Variants in CTXND1 observed in about 807,000 individuals in gnomAD.
CTXND1 encodes the protein cortexin domain-containing 1 protein.
chr15:80,226,751 T>C (rs1048421937), intron 1 of CTXND1, among the ~76,000 whole-genome samples: 10 of 152,226 alleles, frequency 6.6e-5, no homozygotes. Context: ...CCTTCAGCCA[T>C]TGATTGTCAA....
intron 1 of CTXND1, among the ~76,000 whole-genome samples, chr15:80,251,521 G>A (rs949340476): frequency 6.6e-6 from 1 of 152,206 alleles, no homozygotes; most frequent in Non-Finnish European, 1.5e-5. Flanking sequence ...GGGAATTTTA[G>A]GCACTGAACG....
chr15:80,226,094 C>G (rs1278361280), intron 1 of CTXND1, among the ~76,000 whole-genome samples: 1 of 152,188 alleles, frequency 6.6e-6, no homozygotes, highest in African/African-American at 2.4e-5. Context: ...AGGAGGTTAA[C>G]CTTTCTCTCC....
chr15:80,232,097 G>T (rs553956960), intron 1 of CTXND1, among the ~76,000 whole-genome samples: 2 of 152,266 alleles, frequency 1.3e-5, no homozygotes, highest in Admixed American at 1.3e-4. Context: ...GCGGAGTGAG[G>T]CTATAGGAGT....
chr15:80,206,774 T>C (rs1213769628), intron 1 of CTXND1, among the ~76,000 whole-genome samples: 1 of 152,214 alleles, frequency 6.6e-6, no homozygotes. Context: ...CCATTGTCAG[T>C]TAGTTCTGTT....
At chr15:80,248,980 T>C (rs1893664984) in intron 1 of CTXND1, among the ~76,000 whole-genome samples, 1 of 151,908 alleles carries the variant, frequency 6.6e-6, no homozygotes, top group Non-Finnish European at 1.5e-5. Context: ...AGAGACAGGG[T>C]CTCACTATGT....
In CTXND1 at chr15:80,199,555, T is replaced by A. The variant is rs1208422972; in HGVS notation, c.*2215A>T. ...TCAAGGTAGGCTTCAGAGTGAGGGC[T>A]GCTGCTGCTGAACCTGAGGCAATGC... On this transcript the variant is annotated 3_prime_UTR_variant, in exon 3 of 3. Transcript: ENST00000560778. 1 of 152,352 alleles carries A rather than the reference T, an allele frequency of 6.6e-6. No individual in the cohort carries two copies. Among genetic ancestry groups the A allele is most frequent in the African/African-American group, 2.4e-5 (1 of 41,466 alleles). The allele number at this position is 152,352 out of a possible 1,614,324, so 9.4% of individuals were successfully genotyped here.
intron 1 of CTXND1, among the ~76,000 whole-genome samples, chr15:80,245,059 C>A (rs1893613157): frequency 6.6e-6 from 1 of 152,116 alleles, no homozygotes; most frequent in Non-Finnish European, 1.5e-5. Context: ...GGGTACCAGC[C>A]TCACAGAGTC....
rs73489280 is a variant in CTXND1, at chr15:80,247,948, A to C, written c.-218+4059T>G. Among the ~76,000 whole-genome samples, 1,256 of 152,304 alleles carry C rather than the reference A, an allele frequency of 8.2e-3. 20 individuals are homozygous for C. The highest frequency in any genetic ancestry group is 0.028 in the African/African-American group (1,175 of 41,550). ...CTGAATCTATAATGACAATTTGTCA[A>C]GTCAATTGACCTAGCGAAAAAGTGC... On this transcript the variant is annotated intron_variant, in intron 1 of 2. Transcript: ENST00000560778.
intron 1 of CTXND1, among the ~76,000 whole-genome samples, chr15:80,223,358 A>C (rs1249522493): frequency 6.6e-6 from 1 of 152,194 alleles, no homozygotes; most frequent in African/African-American, 2.4e-5. Context: ...CGCCCGGCCG[A>C]GATTTATTCA....
chr15:80,195,555 T>C lies in CTXND1; in HGVS notation c.*6215A>G, dbSNP rs1050335998. On this transcript the variant is annotated 3_prime_UTR_variant, in exon 3 of 3. Coordinates refer to ENST00000560778, the MANE Select transcript of CTXND1 (RefSeq NM_001352888.2). The stretch of plus-strand genomic sequence containing the variant: ...AAAATACAAGATCAAGGAACCAGCA[T>C]CTGGTGAGGACCTTCTTGTTGCATC... 1 of 152,214 alleles carries C rather than the reference T, an allele frequency of 6.6e-6. No individual in the cohort carries two copies. Among genetic ancestry groups the C allele is most frequent in the Admixed American group, 6.5e-5 (1 of 15,280 alleles). The allele number at this position is 152,214 out of a possible 1,614,324, so 9.4% of individuals were successfully genotyped here.
intron 1 of CTXND1, among the ~76,000 whole-genome samples, chr15:80,247,171 C>T (rs569672702): frequency 6.6e-6 from 1 of 152,208 alleles, no homozygotes; most frequent in African/African-American, 2.4e-5. Context: ...CCCCATGCTC[C>T]CCTAGGAGAA....
chr15:80,213,881 T>C (rs1893225355), intron 1 of CTXND1, among the ~76,000 whole-genome samples: 1 of 152,146 alleles, frequency 6.6e-6, no homozygotes, highest in Non-Finnish European at 1.5e-5. Flanking sequence ...CTGTCTGAGA[T>C]ACGCAAAAAC....
intron 1 of CTXND1, among the ~76,000 whole-genome samples, chr15:80,247,860 A>T (rs1328132069): frequency 6.6e-6 from 1 of 152,160 alleles, no homozygotes; most frequent in Non-Finnish European, 1.5e-5. Flanking sequence ...ACATGCTTTG[A>T]CTATCACCGC....
chr15:80,250,132 G>A (rs1595912202), intron 1 of CTXND1, among the ~76,000 whole-genome samples: 2 of 152,178 alleles, frequency 1.3e-5, no homozygotes, highest in South Asian at 4.1e-4. Context: ...ACTATTTTAG[G>A]GTTGCAGATT....
At chr15:80,214,868 C>A (rs959817196) in intron 1 of CTXND1, among the ~76,000 whole-genome samples, 1 of 152,142 alleles carries the variant, frequency 6.6e-6, no homozygotes, top group Non-Finnish European at 1.5e-5. Context: ...CCTGGGCAAA[C>A]TTCTGGCAAG....
chr15:80,212,974 T>C (rs1404552368), intron 1 of CTXND1, among the ~76,000 whole-genome samples: 1 of 152,238 alleles, frequency 6.6e-6, no homozygotes, highest in Non-Finnish European at 1.5e-5. Context: ...TTATTCAGGC[T>C]TTGGAAACCA....
chr15:80,198,757 T>G lies in CTXND1; in HGVS notation c.*3013A>C, dbSNP rs2041433618. On this transcript the variant is annotated 3_prime_UTR_variant, in exon 3 of 3. Transcript: ENST00000560778. Reference sequence around the variant, plus strand: ...CCCGGCTTCATCATATCTATCTTGATCTTTCTTTTTTTGCTTGGAACATGT... The same window carrying G: ...CCCGGCTTCATCATATCTATCTTGAGCTTTCTTTTTTTGCTTGGAACATGT... The G allele has an allele frequency of 6.6e-6, 1 of 152,260 alleles. No individual in the cohort carries two copies. Among genetic ancestry groups the G allele is most frequent in the South Asian group, 2.1e-4 (1 of 4,836 alleles). The allele number at this position is 152,260 out of a possible 1,614,324, so 9.4% of individuals were successfully genotyped here. A position where few individuals can be genotyped will look rare whatever the true frequency, so the allele number is the denominator to read the frequency against.
intron 1 of CTXND1, among the ~76,000 whole-genome samples, chr15:80,209,853 C>T (rs1162948433): frequency 6.6e-6 from 1 of 152,208 alleles, no homozygotes; most frequent in Non-Finnish European, 1.5e-5. Context: ...CTCTGTTTTA[C>T]AGCTATGCCT....
intron 1 of CTXND1, among the ~76,000 whole-genome samples, chr15:80,221,574 C>A (rs1016429598): frequency 6.6e-6 from 1 of 152,056 alleles, no homozygotes; most frequent in Non-Finnish European, 1.5e-5. Context: ...CAGAGAGAGA[C>A]CCTGGCTCTA....
Sources: gnomAD v4.1 joint callset for allele counts (sites outside exome capture counted in the v4.1 genomes callset) on GRCh38, gnomAD v4.1.1 for gene constraint, MANE v1.5 for transcripts, NCBI Gene and HGNC (gene_info 2026-07-23, HGNC 2026-07-21) for gene names.